The following SUPT3H variants were observed in gnomAD, a reference collection of about 807,000 sequenced individuals.
The protein encoded by SUPT3H is transcription initiation protein SPT3 homolog.
In SUPT3H, 44 loss-of-function variants were observed where a neutral mutation model predicts 44.3. That is an observed-to-expected ratio of 0.99 (90% CI 0.78 to 1.28). The LOEUF is 1.28. Among genes scored for constraint, SUPT3H ranks in the 50% most tolerant of loss-of-function variants. SUPT3H has a pLI of 0.00. For missense variants in SUPT3H, 380 were observed against 387.1 expected, an observed-to-expected ratio of 0.98 and a Z score of 0.15; for synonymous variants, 124 against 125.6, an observed-to-expected ratio of 0.99 and a Z score of 0.09.
intron 3 of SUPT3H, among the ~76,000 whole-genome samples, chr6:45,097,026 C>G (rs1350130582): frequency 6.6e-6 from 1 of 152,080 alleles, no homozygotes; most frequent in Non-Finnish European, 1.5e-5. Flanking sequence ...TAATATATAT[C>G]AGGCATCAGT....
intron 10 of SUPT3H, among the ~76,000 whole-genome samples, chr6:44,916,046 T>C (rs1767756166): frequency 6.6e-6 from 1 of 152,232 alleles, no homozygotes; most frequent in Non-Finnish European, 1.5e-5. Flanking sequence ...TGAACAATTT[T>C]GTTGAATTAT....
At chr6:45,023,809 C>G (rs1785524763) in intron 3 of SUPT3H, among the ~76,000 whole-genome samples, 1 of 152,076 alleles carries the variant, frequency 6.6e-6, no homozygotes, top group Non-Finnish European at 1.5e-5. Context: ...GGGTAGTGGG[C>G]TTAATTCCTG....
At chr6:45,174,203 C>T (rs1811299985) in intron 2 of SUPT3H, among the ~76,000 whole-genome samples, 1 of 152,180 alleles carries the variant, frequency 6.6e-6, no homozygotes, top group Admixed American at 6.5e-5. Flanking sequence ...GGTTAAGAGT[C>T]AACAGTTTTA....
In SUPT3H at chr6:44,880,546, G is replaced by A. The variant is rs999847574; in HGVS notation, c.913-50689C>T. On this transcript the variant is annotated intron_variant, in intron 10 of 10. Coordinates refer to ENST00000371459, the MANE Select transcript of SUPT3H (RefSeq NM_003599.4). The stretch of plus-strand genomic sequence containing the variant: ...AGAACTTCCCCAGCCTAGCAAGGCA[G>A]GCCAACATTCAAATTCTGGAAATAC... 5.3e-5 allele frequency among the ~76,000 whole-genome samples: 8 copies of A among 152,256 alleles called. No individual in the cohort carries two copies. In the East Asian group the frequency reaches 7.7e-4, roughly 15 times the overall value.
chr6:44,900,062 T>A (rs1294580738), intron 10 of SUPT3H, among the ~76,000 whole-genome samples: 1 of 152,226 alleles, frequency 6.6e-6, no homozygotes, highest in African/African-American at 2.4e-5. Context: ...GACGGCTGAA[T>A]AGAACAGCTC....
At chr6:45,364,171 C>T (rs1440941268) in intron 2 of SUPT3H, among the ~76,000 whole-genome samples, 1 of 151,716 alleles carries the variant, frequency 6.6e-6, no homozygotes, top group African/African-American at 2.4e-5. Context: ...AGATATAACC[C>T]TCATAAACAA....
chr6:45,142,593 G>C (rs144871895), intron 2 of SUPT3H, among the ~76,000 whole-genome samples: 1 of 151,614 alleles, frequency 6.6e-6, no homozygotes, highest in Non-Finnish European at 1.5e-5. Flanking sequence ...AAAATTAGTC[G>C]GGTGTGGTGG....
At chr6:45,228,829 G>A (rs1370219324) in intron 2 of SUPT3H, among the ~76,000 whole-genome samples, 2 of 152,148 alleles carry the variant, frequency 1.3e-5, no homozygotes, top group East Asian at 1.9e-4. Flanking sequence ...TAGTAGAGAT[G>A]TGGTTTCACA....
chr6:44,928,366 A>C (rs977000224), intron 10 of SUPT3H, among the ~76,000 whole-genome samples: 3 of 152,176 alleles, frequency 2.0e-5, no homozygotes, highest in Admixed American at 2.0e-4. Context: ...AAGTAAAATT[A>C]GTTTCTCTAA....
intron 2 of SUPT3H, among the ~76,000 whole-genome samples, chr6:45,148,744 A>G (rs1316381041): frequency 6.6e-6 from 1 of 152,160 alleles, no homozygotes; most frequent in Non-Finnish European, 1.5e-5. Flanking sequence ...AATATATTGC[A>G]GTATTTATTT....
chr6:45,340,570 C>T (rs150815691), intron 2 of SUPT3H, among the ~76,000 whole-genome samples: 2,668 of 152,166 alleles, frequency 0.018, 49 homozygotes, highest in South Asian at 0.085. Flanking sequence ...GCGATCCTCC[C>T]ACCTCAGTCT....
chr6:45,059,252 C>T (rs1011698346), intron 3 of SUPT3H, among the ~76,000 whole-genome samples: 6 of 152,126 alleles, frequency 3.9e-5, no homozygotes, highest in Non-Finnish European at 8.8e-5. Flanking sequence ...ATCAAGTCAG[C>T]TTCATCCTTG....
At chr6:45,293,348 GA>G (rs1445406180) in intron 2 of SUPT3H, among the ~76,000 whole-genome samples, 1 of 152,034 alleles carries the variant, frequency 6.6e-6, no homozygotes, top group Non-Finnish European at 1.5e-5. Flanking sequence ...GTGCTTAGAG[GA>G]AAGCTCATAG....
At position 44,829,681 on chromosome 6, in the gene SUPT3H, AGTTG is replaced by A; in HGVS notation, c.*131_*134del. ...GGCTGGAAAAGAGGAGGAGTCAGCA[AGTTG>A]AAAGTCACAACAGACCAGCCCACTC... On this transcript the variant is annotated 3_prime_UTR_variant, in exon 11 of 11. Coordinates refer to ENST00000371459, the MANE Select transcript of SUPT3H (RefSeq NM_003599.4). 1 of 929,988 alleles carries A rather than the reference AGTTG, an allele frequency of 1.1e-6. No individual in the cohort carries two copies. Among genetic ancestry groups the A allele is most frequent in the Non-Finnish European group, 1.7e-6 (1 of 604,854 alleles). 57.6% of individuals were successfully genotyped at this position (929,988 alleles called of 1,614,324 possible).
intron 10 of SUPT3H, among the ~76,000 whole-genome samples, chr6:44,913,890 A>G (rs532415): frequency 0.01 from 1,553 of 152,266 alleles, 36 homozygotes; most frequent in African/African-American, 0.036. Flanking sequence ...ATATAGTTTC[A>G]TGTGTAACTT....
At chr6:45,061,887 T>C (rs1792128292) in intron 3 of SUPT3H, among the ~76,000 whole-genome samples, 1 of 130,048 alleles carries the variant, frequency 7.7e-6, no homozygotes, top group Non-Finnish European at 1.6e-5. Flanking sequence ...TTTTTATCCA[T>C]AAGCTGTTTT....
chr6:44,920,729 C>A (rs1025899366), intron 10 of SUPT3H, among the ~76,000 whole-genome samples: 1 of 152,102 alleles, frequency 6.6e-6, no homozygotes, highest in Admixed American at 6.5e-5. Flanking sequence ...AACTGGCTCG[C>A]AATTAAAAGT....
At chr6:45,046,283 T>G (rs556746610) in intron 3 of SUPT3H, among the ~76,000 whole-genome samples, 3 of 152,150 alleles carry the variant, frequency 2.0e-5, no homozygotes, top group Non-Finnish European at 4.4e-5. Flanking sequence ...TCCATTGATG[T>G]ATATGTATGT....
chr6:44,986,234 G>A (rs1482100443), intron 6 of SUPT3H, among the ~76,000 whole-genome samples: 1 of 152,118 alleles, frequency 6.6e-6, no homozygotes, highest in East Asian at 1.9e-4. Context: ...CATGCACAGA[G>A]GAGATTGCTT....
Sources: gnomAD v4.1 joint callset for allele counts (sites outside exome capture counted in the v4.1 genomes callset) on GRCh38, gnomAD v4.1.1 for gene constraint, MANE v1.5 for transcripts, NCBI Gene and HGNC (gene_info 2026-07-23, HGNC 2026-07-21) for gene names.